The following SEC23A variants were observed in gnomAD, a reference collection of about 807,000 sequenced individuals.
SEC23A encodes the protein protein transport protein Sec23A.
SEC23A carries 56 observed loss-of-function variants against 103.7 expected under a neutral mutation model. The ratio of observed to expected loss-of-function variants is 0.54; its 90% CI spans 0.44 to 0.67. The LOEUF (loss-of-function observed/expected upper bound fraction) is 0.67. Among genes scored for constraint, SEC23A ranks in the 30% least tolerant of loss-of-function variants. The pLI is 0.00. For synonymous variants in SEC23A, 281 were observed against 293.0 expected (o/e 0.96, Z 0.42); for missense variants, 784 against 936.4 (o/e 0.84, Z 2.12).
At chr14:39,086,334 T>C (rs1250904650) in intron 6 of SEC23A, among the ~76,000 whole-genome samples, 1 of 152,142 alleles carries the variant, frequency 6.6e-6, no homozygotes, top group Non-Finnish European at 1.5e-5. Flanking sequence ...TACCTCTGAT[T>C]AGAAAGCTTA....
intron 1 of SEC23A, among the ~76,000 whole-genome samples, chr14:39,099,364 T>C (rs560419686): frequency 6.6e-6 from 1 of 152,174 alleles, no homozygotes; most frequent in Non-Finnish European, 1.5e-5. Flanking sequence ...TTCACCATGT[T>C]GGCCAGGATG....
chr14:39,035,837 C>T lies in SEC23A; in HGVS notation c.2209-2509G>A, dbSNP rs1003880063. 5.3e-5 allele frequency among the ~76,000 whole-genome samples: 8 copies of T among 152,102 alleles called. No homozygotes were observed. The South Asian group carries it at 8.3e-4, about 16-fold the overall frequency. On this transcript the variant is annotated intron_variant, in intron 19 of 19. Coordinates refer to ENST00000307712, the MANE Select transcript of SEC23A (RefSeq NM_006364.4). ...GGAGCAATGCCATAAAAAATGGAGG[C>T]GGGAAAAGGGATGACAGGACAGGGA...
intron 11 of SEC23A, 117 bp downstream of exon 11, chr14:39,064,796 T>A: frequency 1.3e-6 from 1 of 792,578 alleles, no homozygotes; most frequent in Non-Finnish European, 2.3e-6. Context: ...CCTGAGCTGG[T>A]CTCTAACTCC....
chr14:39,065,833 T>C (rs1439957216), intron 10 of SEC23A, among the ~76,000 whole-genome samples: 1 of 151,906 alleles, frequency 6.6e-6, no homozygotes, highest in African/African-American at 2.4e-5. Flanking sequence ...ACCCCATCTC[T>C]ACTAAAAACA....
chr14:39,076,145 CTGA>C lies in SEC23A; in HGVS notation c.829-55_829-53del, dbSNP rs762517264. ...AAAGAAAACATATGAATATACATTT[CTGA>C]TAATAATTTTTTATATATTCCTTCT... On this transcript the variant is annotated intron_variant, in intron 7 of 19. Transcript: ENST00000307712. 4 of 1,314,012 alleles carry C rather than the reference CTGA, an allele frequency of 3.0e-6. No homozygotes were observed. The African/African-American group carries it at 5.9e-5, about 19-fold the overall frequency. 81.4% of individuals were successfully genotyped at this position (1,314,012 alleles called of 1,614,324 possible).
intron 7 of SEC23A, among the ~76,000 whole-genome samples, chr14:39,079,553 C>T (rs1482813966): frequency 6.6e-6 from 1 of 152,172 alleles, no homozygotes; most frequent in African/African-American, 2.4e-5. Context: ...GGCACAGTGG[C>T]TCACACCTGT....
chr14:39,071,430 A>C (rs1886836130), intron 9 of SEC23A, among the ~76,000 whole-genome samples: 1 of 152,150 alleles, frequency 6.6e-6, no homozygotes, highest in African/African-American at 2.4e-5. Flanking sequence ...CATGCCTGTA[A>C]TCCAGATACC....
In SEC23A at chr14:39,096,104, C is replaced by A; in HGVS notation, c.15G>T (p.Leu5Phe). 1 of 1,612,050 alleles carries A rather than the reference C, an allele frequency of 6.2e-7. No homozygotes were observed. Among genetic ancestry groups the A allele is most frequent in the South Asian group, 1.1e-5 (1 of 91,038 alleles). MTTY[L>F]EFIQQNEERD... ...GTTCTTCATTTTGTTGAATGAATTCCAAATAGGTTGTCATTGTGGAGTTTG... is the reference window on the plus strand; with the variant it reads ...GTTCTTCATTTTGTTGAATGAATTCAAAATAGGTTGTCATTGTGGAGTTTG... Residue 5 changes from leucine to phenylalanine, a missense_variant, in exon 2 of 20, where the codon TTG becomes TTT. Transcript: ENST00000307712.
At chr14:39,096,185 G>T in intron 1 of SEC23A, 46 bp from the exon 2 acceptor site, 2 of 1,255,024 alleles carry the variant, frequency 1.6e-6, no homozygotes, top group Non-Finnish European at 2.3e-6. Flanking sequence ...ATCCTCTTAA[G>T]AACGTTCAAA....
intron 4 of SEC23A, among the ~76,000 whole-genome samples, 164 bp downstream of exon 4, chr14:39,092,376 AT>A (rs1887692222): frequency 6.6e-6 from 1 of 152,216 alleles, no homozygotes; most frequent in African/African-American, 2.4e-5. Context: ...TAAGTACAAC[AT>A]AGGAATTACC....
At chr14:39,044,801 T>C (rs1885773444) in intron 16 of SEC23A, among the ~76,000 whole-genome samples, 1 of 152,158 alleles carries the variant, frequency 6.6e-6, no homozygotes, top group South Asian at 2.1e-4. Context: ...GACACTAAAC[T>C]CTGGAATAAG....
rs11157044 is a variant in SEC23A at position 39,085,691 on chromosome 14, C to T, written c.828+71G>A. 4.6e-3 allele frequency: 1,871 copies of T among 406,312 alleles called. 2 individuals are homozygous for T. Among genetic ancestry groups the T allele is most frequent in the East Asian group, 6.4e-3 (90 of 14,128 alleles). The allele number at this position is 406,312 out of a possible 1,614,324, so 25.2% of individuals were successfully genotyped here. ...CTTCTTATCCTTATAATTATATATA[C>T]ACACACACACACACACACACACACA... is the stretch of plus-strand genomic sequence containing the variant. On this transcript the variant is annotated intron_variant, in intron 7 of 19. Coordinates refer to ENST00000307712, the MANE Select transcript of SEC23A (RefSeq NM_006364.4).
intron 13 of SEC23A, among the ~76,000 whole-genome samples, chr14:39,059,517 C>G (rs1431519706): frequency 1.3e-5 from 2 of 152,058 alleles, no homozygotes; most frequent in Non-Finnish European, 2.9e-5. Flanking sequence ...AGTCACCTAA[C>G]CTTTTAAAAT....
intron 15 of SEC23A, among the ~76,000 whole-genome samples, chr14:39,046,020 T>C (rs1271063906): frequency 1.3e-5 from 2 of 152,178 alleles, no homozygotes; most frequent in Non-Finnish European, 2.9e-5. Flanking sequence ...CATACTGTTC[T>C]CGTGGTAGTA....
At chr14:39,092,097 T>A (rs540337111) in intron 4 of SEC23A, among the ~76,000 whole-genome samples, 12 of 152,332 alleles carry the variant, frequency 7.9e-5, no homozygotes, top group African/African-American at 2.9e-4. Flanking sequence ...AAAACATTCA[T>A]AAAAGATATT....
intron 1 of SEC23A, among the ~76,000 whole-genome samples, chr14:39,101,259 G>C (rs796489113): frequency 2.6e-5 from 4 of 152,126 alleles, no homozygotes; most frequent in Admixed American, 2.0e-4. Flanking sequence ...AGAGCTAAAA[G>C]CTAAGAAGCA....
chr14:39,074,529 T>C lies in SEC23A; in HGVS notation c.989A>G (p.His330Arg). The change falls in exon 9 of 20, where the codon CAT (histidine) becomes CGT (arginine). Residue 330 changes from histidine to arginine, a missense_variant and splice_region_variant. His to Arg is a conservative substitution (Grantham distance 29). Around this residue, in one of 2 missense-constraint regions of SEC23A, gnomAD observed 683 missense variants for 774.2 expected, o/e 0.88. Transcript: ENST00000307712. The stretch of plus-strand genomic sequence containing the variant: ...AGCTCGATTAGCCAATGCTTCAAAA[T>C]GCTACAAAAGATTTTCTTAATTAAA... ...NAKYVKKGTK[H>R]FEALANRAAT... 6.3e-7 allele frequency: 1 copy of C among 1,588,628 alleles called. No homozygotes were observed. The highest frequency in any genetic ancestry group is 8.6e-7 in the Non-Finnish European group (1 of 1,158,284).
intron 7 of SEC23A, among the ~76,000 whole-genome samples, chr14:39,082,780 C>A (rs1887271992): frequency 6.6e-6 from 1 of 152,126 alleles, no homozygotes; most frequent in South Asian, 2.1e-4. Flanking sequence ...CTGTGATATT[C>A]CTCCCAAAGA....
At position 39,040,724 on chromosome 14, in the gene SEC23A, C is replaced by T. The variant is rs1885609129; in HGVS notation, c.2142+8G>A. On this transcript the variant is annotated splice_region_variant and intron_variant, in intron 18 of 19. Transcript: ENST00000307712. ...AAACAAACACACAAACAAATTAACA[C>T]TACTTACCTGGCTGCCTCCATGTTC... The T allele has an allele frequency of 3.1e-6, 5 of 1,614,010 alleles. No homozygotes were observed. Among genetic ancestry groups the T allele is most frequent in the Admixed American group, 1.7e-5 (1 of 60,008 alleles).
Sources: gnomAD v4.1 joint callset for allele counts (sites outside exome capture counted in the v4.1 genomes callset) on GRCh38, gnomAD v4.1.1 for gene constraint, gnomAD v4.1.1 regional missense constraint, MANE v1.5 for transcripts, NCBI Gene and HGNC (gene_info 2026-07-23, HGNC 2026-07-21) for gene names.